Variants in EFNB2 observed in about 807,000 individuals in gnomAD.
The protein encoded by EFNB2 is ephrin-B2.
In EFNB2, 5 loss-of-function variants were observed where a neutral mutation model predicts 32.1. The ratio of observed to expected loss-of-function variants is 0.16; its 90% CI spans 0.08 to 0.33. The LOEUF is 0.33. Among genes scored for constraint, EFNB2 ranks in the 10% least tolerant of loss-of-function variants. The pLI, the probability that EFNB2 is intolerant of heterozygous loss-of-function variation, is 1.00. For synonymous variants in EFNB2, 168 were observed against 166.5 expected, an observed-to-expected ratio of 1.01 and a Z score of -0.07; for missense variants, 263 against 422.6, an observed-to-expected ratio of 0.62 and a Z score of 3.31.
chr13:106,496,159 T>C (rs1447134978), intron 2 of EFNB2, among the ~76,000 whole-genome samples: 1 of 152,192 alleles, frequency 6.6e-6, no homozygotes, highest in African/African-American at 2.4e-5. Flanking sequence ...TCAAAAAGTC[T>C]ATGGACTCTT....
At chr13:106,524,438 A>C (rs1879633257) in intron 1 of EFNB2, among the ~76,000 whole-genome samples, 1 of 152,226 alleles carries the variant, frequency 6.6e-6, no homozygotes, top group Admixed American at 6.5e-5. Context: ...TAATTAACCA[A>C]TTTGGCCACA....
chr13:106,501,926 C>A (rs1235786587), intron 2 of EFNB2, among the ~76,000 whole-genome samples: 1 of 152,124 alleles, frequency 6.6e-6, no homozygotes, highest in African/African-American at 2.4e-5. Flanking sequence ...TTATACTTAG[C>A]AAAGTTAATT....
intron 1 of EFNB2, chr13:106,517,295 C>A (rs1010845739): frequency 6.6e-6 from 1 of 152,130 alleles, no homozygotes; most frequent in Non-Finnish European, 1.5e-5. Context: ...AGAGGGAAAC[C>A]GCCACAGTTA....
chr13:106,498,301 C>T (rs1241463725), intron 2 of EFNB2, among the ~76,000 whole-genome samples: 3 of 152,198 alleles, frequency 2.0e-5, no homozygotes, highest in Non-Finnish European at 4.4e-5. Context: ...AAGAGAAAAA[C>T]AGGCACAGTA....
At chr13:106,504,277 G>T (rs748707031) in intron 2 of EFNB2, among the ~76,000 whole-genome samples, 14 of 152,206 alleles carry the variant, frequency 9.2e-5, no homozygotes, top group Non-Finnish European at 1.5e-4. Flanking sequence ...GAGTGGCACT[G>T]AAGTGGAAAA....
At chr13:106,513,780 C>G (rs1031561294) in intron 1 of EFNB2, among the ~76,000 whole-genome samples, 2 of 152,106 alleles carry the variant, frequency 1.3e-5, no homozygotes, top group African/African-American at 4.8e-5. Flanking sequence ...AGCAGCCAAG[C>G]CTGCAGGCTC....
chr13:106,517,226 C>T (rs921126696), intron 1 of EFNB2: 3 of 152,152 alleles, frequency 2.0e-5, no homozygotes, highest in African/African-American at 7.2e-5. Flanking sequence ...ATTATGGATG[C>T]CAAATACAGA....
At chr13:106,533,820 T>C (rs75459017) in intron 1 of EFNB2, among the ~76,000 whole-genome samples, 1 of 152,280 alleles carries the variant, frequency 6.6e-6, no homozygotes, top group East Asian at 1.9e-4. Flanking sequence ...TTCTGTAAAA[T>C]ATGTTTTGGC....
chr13:106,499,230 T>C (rs902864065), intron 2 of EFNB2, among the ~76,000 whole-genome samples: 1 of 151,882 alleles, frequency 6.6e-6, no homozygotes, highest in Non-Finnish European at 1.5e-5. Flanking sequence ...GTAATTCTTA[T>C]GCTGAGGTTC....
At chr13:106,523,849 G>T (rs1289262500) in intron 1 of EFNB2, among the ~76,000 whole-genome samples, 5 of 152,088 alleles carry the variant, frequency 3.3e-5, no homozygotes, top group African/African-American at 4.8e-5. Context: ...AAATAAAATG[G>T]CATTTAATTG....
chr13:106,490,052 G>A lies in EFNB2; in HGVS notation c.*2988C>T, dbSNP rs1305549801. The A allele has an allele frequency of 6.6e-6, 1 of 152,556 alleles. No homozygotes were observed. The highest frequency in any genetic ancestry group is 1.5e-5 in the Non-Finnish European group (1 of 68,040). 9.5% of individuals were successfully genotyped at this position (152,556 alleles called of 1,614,324 possible). A position where few individuals can be genotyped will look rare whatever the true frequency, so the allele number is the denominator to read the frequency against. ...TATACCATTTTTTCCTCATTACAGTGCAAAGGGGAATGACACTGCCGTTAA... is the reference window on the plus strand; with the variant it reads ...TATACCATTTTTTCCTCATTACAGTACAAAGGGGAATGACACTGCCGTTAA... On this transcript the variant is annotated 3_prime_UTR_variant, in exon 5 of 5. Transcript: ENST00000646441.
intron 2 of EFNB2, among the ~76,000 whole-genome samples, chr13:106,500,280 C>T (rs1594163064): frequency 6.6e-6 from 1 of 152,258 alleles, no homozygotes; most frequent in East Asian, 1.9e-4. Context: ...TAACAGTGTG[C>T]TAATCAGATG....
chr13:106,529,559 G>C (rs1438736648), intron 1 of EFNB2, among the ~76,000 whole-genome samples: 6 of 152,202 alleles, frequency 3.9e-5, no homozygotes, highest in Non-Finnish European at 8.8e-5. Context: ...CCTAATCCCA[G>C]TTTCCAAGTC....
chr13:106,502,233 C>A (rs1334609637), intron 2 of EFNB2, among the ~76,000 whole-genome samples: 1 of 152,116 alleles, frequency 6.6e-6, no homozygotes, highest in Non-Finnish European at 1.5e-5. Flanking sequence ...GTTTTCTGCA[C>A]TAAACAGAAT....
intron 1 of EFNB2, among the ~76,000 whole-genome samples, chr13:106,523,845 A>G (rs1206216327): frequency 6.6e-6 from 1 of 152,136 alleles, no homozygotes; most frequent in African/African-American, 2.4e-5. Flanking sequence ...TCCAAAATAA[A>G]ATGGCATTTA....
chr13:106,490,607 C>A lies in EFNB2; in HGVS notation c.*2433G>T, dbSNP rs1359545424. 6.6e-6 allele frequency: 1 copy of A among 152,092 alleles called. No homozygotes were observed. The highest frequency in any genetic ancestry group is 1.5e-5 in the Non-Finnish European group (1 of 68,040). The allele number at this position is 152,092 out of a possible 1,614,324, so 9.4% of individuals were successfully genotyped here. On this transcript the variant is annotated 3_prime_UTR_variant, in exon 5 of 5. Coordinates refer to ENST00000646441, the MANE Select transcript of EFNB2 (RefSeq NM_004093.4). ...TTTTCCCCTTCTCGCCCCTCTCCCC[C>A]ATCCTAAAAGTAACTTCTGATGGCT... is the stretch of plus-strand genomic sequence containing the variant.
Position 106,493,259 on chromosome 13 carries a change from C to A in EFNB2, c.783G>T (p.Pro261=). The A allele has an allele frequency of 1.9e-6, 3 of 1,614,154 alleles. No individual in the cohort carries two copies. Among genetic ancestry groups the A allele is most frequent in the Non-Finnish European group, 2.5e-6 (3 of 1,180,032 alleles). The change falls in exon 5 of 5, where the codon CCG becomes CCT. Residue 261 remains proline, a synonymous_variant. Coordinates refer to ENST00000646441, the MANE Select transcript of EFNB2 (RefSeq NM_004093.4). The surrounding 1 kb of genome is among the most constrained non-coding windows in gnomAD (Gnocchi z 6.1). ...TGAGCGACAGCGTGGTCGTGTGCTGCGGCGAGTGCTTCCTGTGTCTCCTCC... is the reference window on the plus strand; with the variant it reads ...TGAGCGACAGCGTGGTCGTGTGCTGAGGCGAGTGCTTCCTGTGTCTCCTCC... ...KYRRRHRKHS[P]QHTTTLSLST...
At chr13:106,504,724 C>T (rs1252841283) in intron 2 of EFNB2, among the ~76,000 whole-genome samples, 1 of 152,164 alleles carries the variant, frequency 6.6e-6, no homozygotes, top group African/African-American at 2.4e-5. Flanking sequence ...CAATTACACT[C>T]CAGCTTGAGG....
At chr13:106,505,263 A>ACT (rs1406447406) in intron 2 of EFNB2, among the ~76,000 whole-genome samples, 1 of 152,326 alleles carries the variant, frequency 6.6e-6, no homozygotes, top group East Asian at 1.9e-4. Context: ...ATGCATACAT[A>ACT]CTATCTTTAC....
Sources: allele counts gnomAD v4.1 joint callset (sites outside exome capture counted in the v4.1 genomes callset), GRCh38; gene constraint gnomAD v4.1.1; non-coding constraint Gnocchi (gnomAD v3.1); transcripts MANE v1.5; gene names NCBI Gene and HGNC (gene_info 2026-07-23, HGNC 2026-07-21).